The following ACADSB variants were observed in gnomAD, a reference collection of about 807,000 sequenced individuals.
The protein encoded by ACADSB is short/branched chain specific acyl-CoA dehydrogenase, mitochondrial.
In ACADSB, 40 loss-of-function variants were observed where a neutral mutation model predicts 54.1. The observed-to-expected ratio is 0.74, with a 90% CI of 0.57 to 0.96. ACADSB has a LOEUF of 0.96. Among genes scored for constraint, ACADSB ranks in the 40% least tolerant of loss-of-function variants. The pLI, the probability that ACADSB is intolerant of heterozygous loss-of-function variation, is 0.00. For synonymous variants in ACADSB, 182 were observed against 182.8 expected, an observed-to-expected ratio of 1.00 and a Z score of 0.03; for missense variants, 530 against 510.4, an observed-to-expected ratio of 1.04 and a Z score of -0.37.
intron 5 of ACADSB, among the ~76,000 whole-genome samples, chr10:123,041,699 T>C (rs1267988986): frequency 6.6e-6 from 1 of 152,218 alleles, no homozygotes; most frequent in Non-Finnish European, 1.5e-5. Flanking sequence ...AACTACCATA[T>C]TGAATTCACG....
chr10:123,011,912 C>T (rs917896066), intron 1 of ACADSB, among the ~76,000 whole-genome samples: 21 of 151,556 alleles, frequency 1.4e-4, no homozygotes, highest in African/African-American at 4.8e-4. Context: ...AGTGTAGTGG[C>T]GTGATCATAG....
At position 123,056,752 on chromosome 10, in the gene ACADSB, G is replaced by A. The variant is rs1249831392; in HGVS notation, c.*2987G>A. 2.0e-5 allele frequency: 3 copies of A among 152,126 alleles called. No homozygotes were observed. Among genetic ancestry groups the A allele is most frequent in the Admixed American group, 6.6e-5 (1 of 15,264 alleles). 9.4% of individuals were successfully genotyped at this position (152,126 alleles called of 1,614,324 possible). On this transcript the variant is annotated 3_prime_UTR_variant, in exon 11 of 11. Transcript: ENST00000358776. ...GAAACATTTTAGTAATTTAATAAAA[G>A]GATAATGTTTATTTAAAAAACCTGA... is the stretch of plus-strand genomic sequence containing the variant.
intron 2 of ACADSB, among the ~76,000 whole-genome samples, chr10:123,035,059 C>T (rs11817313): frequency 0.021 from 3,140 of 152,056 alleles, 129 homozygotes; most frequent in African/African-American, 0.073. Context: ...AAGCAATTCT[C>T]CTGCCTCAGC....
Position 123,053,836 on chromosome 10 carries a change from G to GT in ACADSB, c.*72dup, listed in dbSNP as rs1446771484. The GT allele has an allele frequency of 2.2e-6, 3 of 1,351,746 alleles. No homozygotes were observed. The African/African-American group carries it at 4.3e-5, about 19-fold the overall frequency. 83.7% of individuals were successfully genotyped at this position (1,351,746 alleles called of 1,614,324 possible). ...TTTAAACGGTTGTGTCTTGTTGGGA[G>GT]TAAGTGCCTTGCGTGGGAATAAACT... On this transcript the variant is annotated 3_prime_UTR_variant, in exon 11 of 11. Coordinates refer to ENST00000358776, the MANE Select transcript of ACADSB (RefSeq NM_001609.4).
intron 2 of ACADSB, among the ~76,000 whole-genome samples, chr10:123,035,759 G>A (rs1452219278): frequency 6.6e-6 from 1 of 152,196 alleles, no homozygotes; most frequent in African/African-American, 2.4e-5. Flanking sequence ...GCCAGAGGTT[G>A]TCCCCAACTC....
chr10:123,057,049 A>G lies in ACADSB; in HGVS notation c.*3284A>G, dbSNP rs1850718015. 6.5e-6 allele frequency: 1 copy of G among 152,678 alleles called. No individual in the cohort carries two copies. The highest frequency in any genetic ancestry group is 2.4e-5 in the African/African-American group (1 of 41,470). 9.5% of individuals were successfully genotyped at this position (152,678 alleles called of 1,614,324 possible). The stretch of plus-strand genomic sequence containing the variant: ...TCTGATAAGAGTATGACATGGATGA[A>G]ATGCCCTACAGGGGCCTTGGACATC... On this transcript the variant is annotated 3_prime_UTR_variant, in exon 11 of 11. Coordinates refer to ENST00000358776, the MANE Select transcript of ACADSB (RefSeq NM_001609.4).
intron 8 of ACADSB, 26 bp downstream of exon 8, chr10:123,047,324 CTG>C (rs771015274): frequency 7.0e-7 from 1 of 1,438,666 alleles, no homozygotes; most frequent in South Asian, 1.1e-5. Context: ...GGTCTTTCTG[CTG>C]TGTTAGACTT....
At chr10:123,010,483 C>T (rs1850010739) in intron 1 of ACADSB, among the ~76,000 whole-genome samples, 1 of 152,218 alleles carries the variant, frequency 6.6e-6, no homozygotes, top group African/African-American at 2.4e-5. Flanking sequence ...ATTGATTGAA[C>T]ATCGACTGTA....
At chr10:123,021,129 T>C (rs1261956291) in intron 1 of ACADSB, among the ~76,000 whole-genome samples, 5 of 152,254 alleles carry the variant, frequency 3.3e-5, no homozygotes, top group African/African-American at 1.2e-4. Context: ...TCCTTTACAA[T>C]TAAATGAAAA....
chr10:123,032,920 T>C (rs902950931), intron 1 of ACADSB, among the ~76,000 whole-genome samples: 2 of 152,146 alleles, frequency 1.3e-5, no homozygotes, highest in Non-Finnish European at 2.9e-5. Flanking sequence ...CCTTTCTTCC[T>C]TCTTTCTTCG....
chr10:123,011,672 G>A (rs988961604), intron 1 of ACADSB, among the ~76,000 whole-genome samples: 12 of 151,776 alleles, frequency 7.9e-5, no homozygotes, highest in African/African-American at 2.9e-4. Flanking sequence ...GATTACAGGC[G>A]CCTGCCACCT....
chr10:123,030,056 A>G (rs1341334278), intron 1 of ACADSB, among the ~76,000 whole-genome samples: 1 of 152,200 alleles, frequency 6.6e-6, no homozygotes, highest in Non-Finnish European at 1.5e-5. Context: ...AGGAGCTCTC[A>G]TAACCTAATC....
In ACADSB at chr10:123,033,280, C is replaced by T. The variant is rs142325569; in HGVS notation, c.43-1076C>T. 8.6e-3 allele frequency among the ~76,000 whole-genome samples: 1,303 copies of T among 152,318 alleles called. 8 individuals are homozygous for T. Among genetic ancestry groups the T allele is most frequent in the Middle Eastern group, 0.02 (6 of 294 alleles). On this transcript the variant is annotated intron_variant, in intron 1 of 10. Coordinates refer to ENST00000358776, the MANE Select transcript of ACADSB (RefSeq NM_001609.4). ...TTCTTGTTCCCGGGTGAATCCAGAG[C>T]AGAGTATGTCTGCTCCTAGGCACAT...
intron 7 of ACADSB, among the ~76,000 whole-genome samples, chr10:123,044,729 T>C (rs981471493): frequency 4.6e-5 from 7 of 152,300 alleles, no homozygotes; most frequent in Middle Eastern, 6.8e-3. Context: ...TAAAGTATTA[T>C]CTAATACCTG....
chr10:123,050,339 G>A (rs543324116), intron 8 of ACADSB, among the ~76,000 whole-genome samples: 3 of 152,350 alleles, frequency 2.0e-5, no homozygotes, highest in African/African-American at 7.2e-5. Context: ...TGCTGCCTCT[G>A]TCACTCAGGG....
At chr10:123,033,616 A>G (rs1850357532) in intron 1 of ACADSB, among the ~76,000 whole-genome samples, 1 of 152,098 alleles carries the variant, frequency 6.6e-6, no homozygotes, top group African/African-American at 2.4e-5. Context: ...GCTCTTTACT[A>G]TATGCTCAGC....
At chr10:123,013,960 G>A (rs1030797559) in intron 1 of ACADSB, among the ~76,000 whole-genome samples, 9 of 152,350 alleles carry the variant, frequency 5.9e-5, no homozygotes, top group East Asian at 1.9e-4. Context: ...ACGGTGCAGC[G>A]GTGGGCTGAA....
chr10:123,034,651 T>TG, intron 2 of ACADSB, 136 bp downstream of exon 2: 1 of 908,510 alleles, frequency 1.1e-6, no homozygotes, highest in Non-Finnish European at 1.7e-6. Flanking sequence ...GCTGGAAAAA[T>TG]ATCACCTTAT....
chr10:123,016,123 CT>C lies in ACADSB; in HGVS notation c.42+7054del, dbSNP rs202237740. ...AGACACGTTTTAGGTATTAATAAAA[CT>C]TACAACTGAAAGTGTCTTAGAAGCT... On this transcript the variant is annotated intron_variant, in intron 1 of 10. Transcript: ENST00000358776. 7.6e-3 allele frequency among the ~76,000 whole-genome samples: 1,157 copies of C among 152,302 alleles called. 11 individuals are homozygous for C. The highest frequency in any genetic ancestry group is 0.026 in the African/African-American group (1,068 of 41,562).
Sources: gnomAD v4.1 joint callset for allele counts (sites outside exome capture counted in the v4.1 genomes callset) on GRCh38, gnomAD v4.1.1 for gene constraint, MANE v1.5 for transcripts, NCBI Gene and HGNC (gene_info 2026-07-23, HGNC 2026-07-21) for gene names.